Variants in PRPSAP2 observed in about 807,000 individuals in gnomAD.
PRPSAP2 encodes phosphoribosyl pyrophosphate synthase-associated protein 2.
Under a neutral mutation model 40.6 loss-of-function variants are expected in PRPSAP2, and 24 were observed. That is an observed-to-expected ratio of 0.59 (90% CI 0.43 to 0.83). The LOEUF (loss-of-function observed/expected upper bound fraction) is 0.83, where lower values mean the gene tolerates loss of function less well. PRPSAP2 is among the 40% of genes least tolerant of loss of function. The pLI, the probability that PRPSAP2 is intolerant of heterozygous loss-of-function variation, is 0.00. For missense variants in PRPSAP2, 292 were observed against 465.6 expected, an observed-to-expected ratio of 0.63 and a Z score of 3.43; for synonymous variants, 149 against 164.7, an observed-to-expected ratio of 0.90 and a Z score of 0.73.
At chr17:18,878,183 T>C (rs2038440784) in intron 6 of PRPSAP2, among the ~76,000 whole-genome samples, 2 of 152,180 alleles carry the variant, frequency 1.3e-5, no homozygotes, top group South Asian at 4.1e-4. Flanking sequence ...CCCAGGGTGC[T>C]GAGATTATAG....
At chr17:18,880,772 C>G (rs773621824) in intron 6 of PRPSAP2, among the ~76,000 whole-genome samples, 1 of 152,066 alleles carries the variant, frequency 6.6e-6, no homozygotes, top group Non-Finnish European at 1.5e-5. Context: ...TTGATCTGCT[C>G]TAATATAATT....
intron 8 of PRPSAP2, chr17:18,908,783 T>G (rs1442314940): frequency 2.9e-6 from 2 of 690,160 alleles, no homozygotes; most frequent in Non-Finnish European, 5.3e-6. Flanking sequence ...GCAAAAACGA[T>G]CATGCCAAAA....
At chr17:18,926,547 G>A (rs1007437372) in intron 10 of PRPSAP2, among the ~76,000 whole-genome samples, 1 of 152,036 alleles carries the variant, frequency 6.6e-6, no homozygotes, top group Admixed American at 6.6e-5. Context: ...GATTACAGGC[G>A]CAAGCCACTG....
chr17:18,859,630 A>T (rs1419830070), intron 1 of PRPSAP2: 10 of 152,286 alleles, frequency 6.6e-5, no homozygotes, highest in Admixed American at 6.5e-4. Context: ...GGGATCATAC[A>T]GGAGTGGAAG....
At chr17:18,909,846 C>T (rs934997087) in intron 8 of PRPSAP2, among the ~76,000 whole-genome samples, 9 of 151,640 alleles carry the variant, frequency 5.9e-5, no homozygotes, top group African/African-American at 1.9e-4. Context: ...TGGAGGTTCA[C>T]ACCACTGCAC....
intron 8 of PRPSAP2, among the ~76,000 whole-genome samples, chr17:18,892,290 A>G (rs901907594): frequency 1.3e-5 from 2 of 151,706 alleles, no homozygotes; most frequent in Non-Finnish European, 2.9e-5. Flanking sequence ...ATGGTCAGTC[A>G]TGGATTAGTT....
At chr17:18,873,584 A>G (rs6502674) in intron 5 of PRPSAP2, among the ~76,000 whole-genome samples, 110,743 of 152,102 alleles carry the variant, frequency 0.73, 40,496 homozygotes, top group East Asian at 0.86. Context: ...AAAACTTGCA[A>G]GGAAGCATTT....
intron 6 of PRPSAP2, among the ~76,000 whole-genome samples, 182 bp downstream of exon 6, chr17:18,878,052 G>T (rs1257740740): frequency 6.6e-6 from 1 of 152,070 alleles, no homozygotes; most frequent in Non-Finnish European, 1.5e-5. Flanking sequence ...AAGTAGCTAG[G>T]ACTATAGGCA....
chr17:18,886,781 T>C (rs1668355566), intron 7 of PRPSAP2, among the ~76,000 whole-genome samples: 1 of 152,114 alleles, frequency 6.6e-6, no homozygotes, highest in Non-Finnish European at 1.5e-5. Flanking sequence ...CTTTCTTAAG[T>C]TTCATAAAGC....
intron 7 of PRPSAP2, among the ~76,000 whole-genome samples, chr17:18,887,791 TC>T (rs1417788836): frequency 6.6e-6 from 1 of 152,156 alleles, no homozygotes; most frequent in Non-Finnish European, 1.5e-5. Flanking sequence ...AATAACTTCT[TC>T]CCCCTAGATT....
chr17:18,922,966 A>G (rs1028669459), intron 9 of PRPSAP2, among the ~76,000 whole-genome samples: 2 of 151,908 alleles, frequency 1.3e-5, no homozygotes, highest in African/African-American at 2.4e-5. Context: ...GGCATGAGCC[A>G]CCATGCCCAG....
chr17:18,912,695 A>T (rs1020384321), intron 9 of PRPSAP2, among the ~76,000 whole-genome samples: 1 of 152,160 alleles, frequency 6.6e-6, no homozygotes, highest in Non-Finnish European at 1.5e-5. Flanking sequence ...TATGCTTCCA[A>T]AATGCAATGG....
chr17:18,859,320 A>G (rs2036829053), intron 1 of PRPSAP2: 1 of 152,190 alleles, frequency 6.6e-6, no homozygotes, highest in African/African-American at 2.4e-5. Context: ...TATTTGTCCT[A>G]TTTTGCTCTC....
At chr17:18,893,979 TC>T (rs2039750370) in intron 8 of PRPSAP2, among the ~76,000 whole-genome samples, 1 of 151,998 alleles carries the variant, frequency 6.6e-6, no homozygotes, top group Non-Finnish European at 1.5e-5. Context: ...TGCCTCAGCC[TC>T]CCAAGTAGCT....
chr17:18,909,894 GAAAA>G (rs2040853143), intron 8 of PRPSAP2, among the ~76,000 whole-genome samples: 1 of 151,790 alleles, frequency 6.6e-6, no homozygotes, highest in Non-Finnish European at 1.5e-5. Context: ...TGTCTCAAAA[GAAAA>G]AGAAAGAAAG....
chr17:18,887,464 G>A (rs1263511776), intron 7 of PRPSAP2, among the ~76,000 whole-genome samples: 1 of 151,994 alleles, frequency 6.6e-6, no homozygotes, highest in Non-Finnish European at 1.5e-5. Context: ...TCTTGGCTCA[G>A]ATGTTCTGCC....
chr17:18,882,088 C>T (rs1428315688), intron 6 of PRPSAP2, among the ~76,000 whole-genome samples: 1 of 151,520 alleles, frequency 6.6e-6, no homozygotes, highest in East Asian at 2.0e-4. Context: ...ATCCACCCAC[C>T]TCGCCCTCCC....
intron 1 of PRPSAP2, among the ~76,000 whole-genome samples, chr17:18,862,887 C>G (rs1452571655): frequency 6.6e-6 from 1 of 151,470 alleles, no homozygotes; most frequent in East Asian, 1.9e-4. Flanking sequence ...GTGGCATGAT[C>G]TCAGCTCACT....
chr17:18,891,177 G>C (rs2039523789), intron 8 of PRPSAP2, among the ~76,000 whole-genome samples: 1 of 152,192 alleles, frequency 6.6e-6, no homozygotes. Flanking sequence ...CCTCCACCCT[G>C]GGCTCGTGGG....
Sources: allele counts gnomAD v4.1 joint callset (sites outside exome capture counted in the v4.1 genomes callset), GRCh38; gene constraint gnomAD v4.1.1; transcripts MANE v1.5; gene names NCBI Gene and HGNC (gene_info 2026-07-23, HGNC 2026-07-21).